The following ABCA3 variants were observed in gnomAD, a reference collection of about 807,000 sequenced individuals.
The protein encoded by ABCA3 is phospholipid-transporting ATPase ABCA3.
Under a neutral mutation model 172.8 loss-of-function variants are expected in ABCA3, and 88 were observed. That is an observed-to-expected ratio of 0.51 (90% CI 0.43 to 0.61). The LOEUF is 0.61. Ranked by LOEUF, ABCA3 falls within the 20% of genes least tolerant of loss-of-function variation. The probability of loss-of-function intolerance (pLI) is 0.00; values close to 1 mark genes in which losing one functional copy is unlikely to be tolerated. For missense variants in ABCA3, 2,164 were observed against 2,301.0 expected, an observed-to-expected ratio of 0.94 and a Z score of 1.22; for synonymous variants, 1,066 against 983.8, an observed-to-expected ratio of 1.08 and a Z score of -1.56.
At chr16:2,311,263 C>T (rs62040682) in intron 10 of ABCA3, among the ~76,000 whole-genome samples, 17,653 of 152,050 alleles carry the variant, frequency 0.12, 1,630 homozygotes, top group East Asian at 0.38. Context: ...TGAGCCACCG[C>T]GCCCAGCCCT....
intron 1 of ABCA3, among the ~76,000 whole-genome samples, chr16:2,338,991 A>G (rs2093756213): frequency 6.6e-6 from 1 of 151,880 alleles, no homozygotes; most frequent in African/African-American, 2.4e-5. Context: ...CCTGAACTCA[A>G]GTGATCCGCC....
At chr16:2,296,467 T>C (rs1276778854) in intron 17 of ABCA3, among the ~76,000 whole-genome samples, 2 of 152,188 alleles carry the variant, frequency 1.3e-5, no homozygotes, top group African/African-American at 2.4e-5. Context: ...ACTCCTGACC[T>C]CAAGTGATCT....
intron 1 of ABCA3, chr16:2,339,412 T>C (rs1460144966): frequency 6.6e-6 from 1 of 152,218 alleles, no homozygotes; most frequent in African/African-American, 2.4e-5. Flanking sequence ...AGAAAAATTA[T>C]CTAAGAAGTT....
rs574120652 is a variant in ABCA3 at position 2,306,877 on chromosome 16, C to A, written c.1285+1573G>T. On this transcript the variant is annotated intron_variant, in intron 11 of 32. Coordinates refer to ENST00000301732, the MANE Select transcript of ABCA3 (RefSeq NM_001089.3). ...AAAAATACAAAAAATTAGCTGGGCA[C>A]GGTGGCGGGCGCCTGTAGTCCCAGC... is the stretch of plus-strand genomic sequence containing the variant. Among the ~76,000 whole-genome samples the A allele has an allele frequency of 2.6e-5, 4 of 151,484 alleles. No homozygotes were observed. The South Asian group carries it at 8.3e-4, about 31-fold the overall frequency.
At chr16:2,325,370 C>T (rs1005920171) in intron 5 of ABCA3, among the ~76,000 whole-genome samples, 3 of 152,154 alleles carry the variant, frequency 2.0e-5, no homozygotes. Flanking sequence ...TGCTGCTCCC[C>T]GGGGTCCTCA....
intron 18 of ABCA3, among the ~76,000 whole-genome samples, chr16:2,294,772 C>T (rs915709002): frequency 6.6e-6 from 1 of 152,064 alleles, no homozygotes; most frequent in Admixed American, 6.6e-5. Flanking sequence ...CACCTGAGGT[C>T]AGGAGTTTGA....
chr16:2,300,184 T>C (rs2093686756), intron 12 of ABCA3, 36 bp from the exon 13 acceptor site: 2 of 1,612,324 alleles, frequency 1.2e-6, no homozygotes, highest in South Asian at 1.1e-5. Context: ...GTTTGTTTTG[T>C]TTGTGACGAG....
intron 1 of ABCA3, among the ~76,000 whole-genome samples, chr16:2,338,446 G>A (rs1326888365): frequency 6.6e-6 from 1 of 152,196 alleles, no homozygotes; most frequent in Non-Finnish European, 1.5e-5. Context: ...TTGGCTGCCT[G>A]CACAATGGAA....
At chr16:2,303,940 C>A (rs201908106) in intron 12 of ABCA3, 29 bp downstream of exon 12, 2 of 1,612,702 alleles carry the variant, frequency 1.2e-6, no homozygotes, top group East Asian at 2.2e-5. Context: ...AGAGAGGCGG[C>A]GGCTCAAGAG....
intron 10 of ABCA3, among the ~76,000 whole-genome samples, chr16:2,309,770 G>C (rs1403274094): frequency 6.6e-6 from 1 of 152,094 alleles, no homozygotes; most frequent in Non-Finnish European, 1.5e-5. Flanking sequence ...CAGGCACGCA[G>C]TACCATGCCT....
At chr16:2,289,131 A>C (rs2093667818) in intron 20 of ABCA3, 6 of 426,664 alleles carry the variant, frequency 1.4e-5, no homozygotes, top group Non-Finnish European at 2.6e-5. Context: ...CGAGTGCATC[A>C]ACCAACCTCC....
At position 2,281,555 on chromosome 16, in the gene ABCA3, G is replaced by A. The variant is rs1459451898; in HGVS notation, c.4036-46C>T. 3.7e-6 allele frequency: 6 copies of A among 1,607,934 alleles called. No individual in the cohort carries two copies. Among genetic ancestry groups the A allele is most frequent in the Non-Finnish European group, 5.1e-6 (6 of 1,177,708 alleles). Reference sequence around the variant, plus strand: ...CCGCATGCGTGAACCCAGCCGCAGGGCGGCTTCCGTGGAGAAGGGAGGGGC... The same window carrying A: ...CCGCATGCGTGAACCCAGCCGCAGGACGGCTTCCGTGGAGAAGGGAGGGGC... On this transcript the variant is annotated intron_variant, in intron 26 of 32. Coordinates refer to ENST00000301732, the MANE Select transcript of ABCA3 (RefSeq NM_001089.3). This position sits in a 1 kb window ranked among gnomAD's most constrained non-coding sequence, Gnocchi z 4.7.
At position 2,283,657 on chromosome 16, in the gene ABCA3, CAG is replaced by C; in HGVS notation, c.3863-301_3863-300del. On this transcript the variant is annotated intron_variant, in intron 25 of 32. Coordinates refer to ENST00000301732, the MANE Select transcript of ABCA3 (RefSeq NM_001089.3). This position sits in a 1 kb window ranked among gnomAD's most constrained non-coding sequence, Gnocchi z 5.4. Reference sequence around the variant, plus strand: ...ATCCTGGGCTGCCTCCTGACCAGGACAGAGACCGTTACAAGCACCGAGGGGTG... The same window carrying C: ...ATCCTGGGCTGCCTCCTGACCAGGACAGACCGTTACAAGCACCGAGGGGTG... The C allele has an allele frequency of 2.3e-6, 1 of 429,032 alleles. No individual in the cohort carries two copies. The highest frequency in any genetic ancestry group is 4.3e-6 in the Non-Finnish European group (1 of 230,230). The allele number at this position is 429,032 out of a possible 1,614,324, so 26.6% of individuals were successfully genotyped here.
At chr16:2,333,846 G>A (rs1167151348) in intron 1 of ABCA3, among the ~76,000 whole-genome samples, 2 of 151,990 alleles carry the variant, frequency 1.3e-5, no homozygotes, top group Admixed American at 6.6e-5. Context: ...GCGCCACCAT[G>A]CCTTGCCAAT....
intron 18 of ABCA3, among the ~76,000 whole-genome samples, 195 bp downstream of exon 18, chr16:2,295,395 G>A (rs368707479): frequency 8.5e-5 from 13 of 152,334 alleles, no homozygotes; most frequent in Non-Finnish European, 7.3e-5. Flanking sequence ...GTTTCTCCTT[G>A]CTAGGAGGCC....
intron 7 of ABCA3, among the ~76,000 whole-genome samples, chr16:2,320,388 G>A (rs987356030): frequency 2.7e-5 from 4 of 146,854 alleles, no homozygotes; most frequent in African/African-American, 7.6e-5. Context: ...GTGAGCCACT[G>A]CACCCGGCCT....
intron 7 of ABCA3, among the ~76,000 whole-genome samples, chr16:2,321,615 G>A (rs1389232953): frequency 6.6e-6 from 1 of 152,046 alleles, no homozygotes; most frequent in Non-Finnish European, 1.5e-5. Context: ...GCCTAGTCCT[G>A]GGTCCGAGTC....
chr16:2,279,167 G>A lies in ABCA3; in HGVS notation c.4360-37C>T. ...GCATAGCCGGGGAGGGAGGCGGGTT[G>A]GAGGGAAGCCTCCTTCCTCCAGAGG... On this transcript the variant is annotated intron_variant, in intron 28 of 32. Coordinates refer to ENST00000301732, the MANE Select transcript of ABCA3 (RefSeq NM_001089.3). The surrounding 1 kb of genome is among the most constrained non-coding windows in gnomAD (Gnocchi z 4.4). 1 of 1,603,708 alleles carries A rather than the reference G, an allele frequency of 6.2e-7. No individual in the cohort carries two copies. The highest frequency in any genetic ancestry group is 8.5e-7 in the Non-Finnish European group (1 of 1,178,682).
rs191495687 is a variant in ABCA3 at position 2,297,586 on chromosome 16, G to A, written c.2053-47C>T. 387 of 1,606,382 alleles carry A rather than the reference G, an allele frequency of 2.4e-4. 1 individual carries two copies. The African/African-American group carries it at 4.1e-3, about 17-fold the overall frequency. ...CGCGACGCTGGTAGAGCCACACCCC[G>A]GGCCCAGGCTGGCCTTGCGGTAGGC... On this transcript the variant is annotated intron_variant, in intron 16 of 32. Transcript: ENST00000301732. This position sits in a 1 kb window ranked among gnomAD's most constrained non-coding sequence, Gnocchi z 5.6.
Sources: allele counts gnomAD v4.1 joint callset (sites outside exome capture counted in the v4.1 genomes callset), GRCh38; gene constraint gnomAD v4.1.1; non-coding constraint Gnocchi (gnomAD v3.1); transcripts MANE v1.5; gene names NCBI Gene and HGNC (gene_info 2026-07-23, HGNC 2026-07-21).